The following PPM1A variants were observed in gnomAD, a reference collection of about 807,000 sequenced individuals.
The protein encoded by PPM1A is protein phosphatase, Mg2+/Mn2+ dependent 1A, also known as protein phosphatase 1A.
In PPM1A, 7 loss-of-function variants were observed where a neutral mutation model predicts 35.0. The ratio of observed to expected loss-of-function variants is 0.20; its 90% CI spans 0.11 to 0.38. The LOEUF (loss-of-function observed/expected upper bound fraction) is 0.38. Among genes scored for constraint, PPM1A ranks in the 10% least tolerant of loss-of-function variants. The pLI is 1.00. For missense variants in PPM1A, 239 were observed against 467.8 expected, an observed-to-expected ratio of 0.51 and a Z score of 4.51; for synonymous variants, 153 against 167.3, an observed-to-expected ratio of 0.91 and a Z score of 0.66.
At chr14:60,288,090 A>G (rs1332454602) in intron 3 of PPM1A, 1 of 982,564 alleles carries the variant, frequency 1.0e-6, no homozygotes, top group Non-Finnish European at 1.2e-6. Context: ...GAAAGCAGAC[A>G]GAAGCAAGGC....
Position 60,283,237 on chromosome 14 carries a change from A to T in PPM1A, c.534A>T (p.Ala178=). Residue 178 remains alanine (A), a synonymous_variant, in exon 2 of 6, where the codon GCA becomes GCT. Transcript: ENST00000395076. This position sits in a 1 kb window ranked among gnomAD's most constrained non-coding sequence, Gnocchi z 6.3. ...TGGAGAAAGAACGAATTCAGAATGCAGGTGGCTCTGTAATGATTCAGCGTG... is the reference window on the plus strand; with the variant it reads ...TGGAGAAAGAACGAATTCAGAATGCTGGTGGCTCTGTAATGATTCAGCGTG... The part of the protein sequence containing the change: ...NPLEKERIQN[A]GGSVMIQRVN... 1 of 1,614,246 alleles carries T rather than the reference A, an allele frequency of 6.2e-7. No homozygotes were observed. Among genetic ancestry groups the T allele is most frequent in the Non-Finnish European group, 8.5e-7 (1 of 1,180,040 alleles).
At position 60,255,173 on chromosome 14, in the gene PPM1A, TGTTTTGTTTTG is replaced by T. The variant is rs1397035776; in HGVS notation, c.-21+5497_-21+5507del. Among the ~76,000 whole-genome samples the T allele has an allele frequency of 8.1e-5, 10 of 123,318 alleles. 2 individuals carry two copies. Among genetic ancestry groups the T allele is most frequent in the African/African-American group, 3.3e-4 (8 of 24,514 alleles). The allele number at this position is 123,318 out of a possible 152,430, so 80.9% of individuals were successfully genotyped here. A position where few individuals can be genotyped will look rare whatever the true frequency, so the allele number is the denominator to read the frequency against. On this transcript the variant is annotated intron_variant, in intron 1 of 5. Transcript: ENST00000395076. ...TTCTATCATATGTTTTTTTTTTTTT[TGTTTTGTTTTG>T]TTTTTGAGACAGAGTCTCGCTCTGT... is the stretch of plus-strand genomic sequence containing the variant.
chr14:60,252,507 G>A (rs760263134), intron 1 of PPM1A, among the ~76,000 whole-genome samples: 57 of 152,296 alleles, frequency 3.7e-4, no homozygotes, highest in Non-Finnish European at 6.5e-4. Flanking sequence ...ACATGGCCCT[G>A]TGAAATATAT....
At chr14:60,288,110 A>G (rs1054756802) in intron 3 of PPM1A, 4 of 983,894 alleles carry the variant, frequency 4.1e-6, no homozygotes, top group Non-Finnish European at 4.8e-6. Flanking sequence ...CTAGTATAGT[A>G]TGAATGGTCA....
At chr14:60,288,277 A>C in intron 3 of PPM1A, 1 of 961,964 alleles carries the variant, frequency 1.0e-6, no homozygotes, top group Non-Finnish European at 1.2e-6. Context: ...GATACATCAA[A>C]TATAGATGAT....
At chr14:60,253,634 C>T (rs1337951315) in intron 1 of PPM1A, among the ~76,000 whole-genome samples, 1 of 152,268 alleles carries the variant, frequency 6.6e-6, no homozygotes, top group Admixed American at 6.5e-5. Flanking sequence ...CTAATGTTTT[C>T]TTCTAAAACA....
chr14:60,276,587 T>G (rs1715256910), intron 1 of PPM1A, among the ~76,000 whole-genome samples: 1 of 152,222 alleles, frequency 6.6e-6, no homozygotes, highest in Admixed American at 6.5e-5. Context: ...CTATGTCCTT[T>G]GTTTATAAAG....
chr14:60,252,476 TAAGC>T (rs1049696494), intron 1 of PPM1A, among the ~76,000 whole-genome samples: 1 of 152,132 alleles, frequency 6.6e-6, no homozygotes, highest in African/African-American at 2.4e-5. Flanking sequence ...TTATAAGAGT[TAAGC>T]AAGAAGATAA....
At chr14:60,284,244 TCAGA>T (rs1303215486) in intron 2 of PPM1A, among the ~76,000 whole-genome samples, 4 of 152,056 alleles carry the variant, frequency 2.6e-5, no homozygotes, top group African/African-American at 7.2e-5. Context: ...AACTTAAGAG[TCAGA>T]CAGACCTGAG....
At position 60,258,972 on chromosome 14, in the gene PPM1A, C is replaced by G. The variant is rs115845896; in HGVS notation, c.-21+9295C>G. ...TAGATCTGTTTCCTCAGATGTGGAA[C>G]TAAGAAGTGGCAGTAGTTGAGAAGT... On this transcript the variant is annotated intron_variant, in intron 1 of 5. Transcript: ENST00000395076. Among the ~76,000 whole-genome samples the G allele has an allele frequency of 4.3e-3, 658 of 152,192 alleles. 5 individuals carry two copies. The highest frequency in any genetic ancestry group is 0.015 in the African/African-American group (628 of 41,564).
rs753639757 is a variant in PPM1A at position 60,295,037 on chromosome 14, C to T, written c.*2555C>T. 2.0e-5 allele frequency: 3 copies of T among 151,762 alleles called. No individual in the cohort carries two copies. Among genetic ancestry groups the T allele is most frequent in the Admixed American group, 6.6e-5 (1 of 15,196 alleles). The allele number at this position is 151,762 out of a possible 1,614,324, so 9.4% of individuals were successfully genotyped here. A position where few individuals can be genotyped will look rare whatever the true frequency, so the allele number is the denominator to read the frequency against. On this transcript the variant is annotated 3_prime_UTR_variant, in exon 6 of 6. Coordinates refer to ENST00000395076, the MANE Select transcript of PPM1A (RefSeq NM_021003.5). The stretch of plus-strand genomic sequence containing the variant: ...TTGTACCACTTAAATTCTTCACCCC[C>T]ATCCCCTTTTTTTGTGCTAATTAGC...
chr14:60,281,357 TATCA>T (rs1166120978), intron 1 of PPM1A, among the ~76,000 whole-genome samples: 2 of 152,192 alleles, frequency 1.3e-5, no homozygotes, highest in Non-Finnish European at 2.9e-5. Context: ...TCTGCCTATG[TATCA>T]GTTTGGACCT....
intron 2 of PPM1A, among the ~76,000 whole-genome samples, chr14:60,284,001 G>A (rs889081924): frequency 1.3e-5 from 2 of 152,232 alleles, no homozygotes; most frequent in Admixed American, 1.3e-4. Context: ...TAGACGTGAT[G>A]TAATAGAAAT....
intron 1 of PPM1A, among the ~76,000 whole-genome samples, chr14:60,253,300 C>T (rs939436198): frequency 2.6e-5 from 4 of 152,070 alleles, no homozygotes; most frequent in Non-Finnish European, 1.5e-5. Flanking sequence ...TACAGAAGAA[C>T]GTCATGAAAG....
At chr14:60,249,070 CCT>C (rs910387817), upstream of PPM1A, among the ~76,000 whole-genome samples, 1 of 151,956 alleles carries the variant, frequency 6.6e-6, no homozygotes, top group Non-Finnish European at 1.5e-5. The surrounding 1 kb of genome is among the most constrained non-coding windows in gnomAD (Gnocchi z 4.5). Context: ...GCCCGCCAGC[CCT>C]CACCGCAGTT....
intron 1 of PPM1A, among the ~76,000 whole-genome samples, chr14:60,268,665 A>AT (rs60921016): frequency 1.2e-3 from 173 of 145,858 alleles, no homozygotes; most frequent in African/African-American, 3.1e-3. Flanking sequence ...CTAAGTGTGA[A>AT]TTTTTTTTTT....
chr14:60,271,652 TTCAGGTTA>T (rs1437822876), intron 1 of PPM1A, among the ~76,000 whole-genome samples: 11 of 152,310 alleles, frequency 7.2e-5, no homozygotes, highest in South Asian at 2.1e-4. Flanking sequence ...GAAGGTCAAA[TTCAGGTTA>T]TCAGGTTATC....
intron 3 of PPM1A, chr14:60,287,932 G>T: frequency 6.1e-6 from 6 of 985,288 alleles, no homozygotes; most frequent in Non-Finnish European, 7.2e-6. Context: ...AGCAGAATGT[G>T]TTTGTGTATA....
At chr14:60,284,423 C>G (rs1886723861) in intron 2 of PPM1A, among the ~76,000 whole-genome samples, 1 of 152,044 alleles carries the variant, frequency 6.6e-6, no homozygotes, top group Admixed American at 6.5e-5. Flanking sequence ...GGGCGGATCA[C>G]GAGGTCAGGA....
Sources: gnomAD v4.1 joint callset for allele counts (sites outside exome capture counted in the v4.1 genomes callset) on GRCh38, gnomAD v4.1.1 for gene constraint, Gnocchi (gnomAD v3.1) non-coding constraint, MANE v1.5 for transcripts, NCBI Gene and HGNC (gene_info 2026-07-23, HGNC 2026-07-21) for gene names.